The following PHLPP1 variants were observed in gnomAD, a reference collection of about 807,000 sequenced individuals.
PHLPP1 encodes the protein PH domain leucine-rich repeat-containing protein phosphatase 1.
A neutral mutation model predicts 117.2 loss-of-function variants in PHLPP1; 42 were observed. The ratio of observed to expected loss-of-function variants is 0.36; its 90% CI spans 0.28 to 0.46. The LOEUF (loss-of-function observed/expected upper bound fraction) is 0.46, where lower values mean the gene tolerates loss of function less well. PHLPP1 is among the 20% of genes least tolerant of loss of function. The pLI is 1.00. For synonymous variants in PHLPP1, 1,042 were observed against 970.7 expected (o/e 1.07, Z -1.37); for missense variants, 2,084 against 2,241.9 (o/e 0.93, Z 1.42).
chr18:62,867,664 G>T (rs777171419), intron 4 of PHLPP1, among the ~76,000 whole-genome samples: 3 of 152,094 alleles, frequency 2.0e-5, no homozygotes, highest in Non-Finnish European at 4.4e-5. Flanking sequence ...TGTTCTTCTG[G>T]CCTGCTACAC....
chr18:62,879,771 A>C (rs1916132949), intron 4 of PHLPP1, among the ~76,000 whole-genome samples: 1 of 152,202 alleles, frequency 6.6e-6, no homozygotes, highest in African/African-American at 2.4e-5. Context: ...CCTGTTTTTC[A>C]TCCCAGACCT....
intron 4 of PHLPP1, among the ~76,000 whole-genome samples, chr18:62,888,287 A>ATATGTGTGTGTG (rs1916328960): frequency 7.6e-6 from 1 of 130,864 alleles, no homozygotes; most frequent in Non-Finnish European, 1.6e-5. Flanking sequence ...ATTTCACAAA[A>ATATGTGTGTGTG]TGTGTGTGTG....
chr18:62,980,403 T>C lies in PHLPP1; in HGVS notation c.*972T>C, dbSNP rs1911340568. ...ATGCACAAATGGACATGTCATAATT[T>C]TTGTTACAATAAATATGAAATTTAC... On this transcript the variant is annotated 3_prime_UTR_variant, in exon 17 of 17. Coordinates refer to ENST00000262719, the MANE Select transcript of PHLPP1 (RefSeq NM_194449.4). The C allele has an allele frequency of 6.6e-6, 1 of 152,670 alleles. No homozygotes were observed. Among genetic ancestry groups the C allele is most frequent in the African/African-American group, 2.4e-5 (1 of 41,460 alleles). 9.5% of individuals were successfully genotyped at this position (152,670 alleles called of 1,614,324 possible). A position where few individuals can be genotyped will look rare whatever the true frequency, so the allele number is the denominator to read the frequency against.
At chr18:62,895,182 G>T (rs1916523986) in intron 5 of PHLPP1, 25 bp downstream of exon 5, 1 of 1,605,442 alleles carries the variant, frequency 6.2e-7, no homozygotes, top group South Asian at 1.1e-5. Context: ...CCCCACTGGC[G>T]GGTATATCCA....
At chr18:62,728,777 G>A (rs190634104) in intron 1 of PHLPP1, among the ~76,000 whole-genome samples, 1,915 of 152,236 alleles carry the variant, frequency 0.013, 20 homozygotes, top group Non-Finnish European at 0.017. Context: ...AAAGTGCTGG[G>A]ATTACAGGCA....
intron 1 of PHLPP1, among the ~76,000 whole-genome samples, chr18:62,768,989 T>A: frequency 6.6e-6 from 1 of 152,194 alleles, no homozygotes; most frequent in Non-Finnish European, 1.5e-5. Flanking sequence ...TCCTCATTGA[T>A]CATCAAGGTT....
Position 62,840,313 on chromosome 18 carries a change from ATT to A in PHLPP1, c.1899+1405_1899+1406del, listed in dbSNP as rs1568134241. Among the ~76,000 whole-genome samples the A allele has an allele frequency of 3.9e-5, 6 of 152,290 alleles. No individual in the cohort carries two copies. In the South Asian group the frequency reaches 1.2e-3, roughly 32 times the overall value. ...AGTTTCGGTTGATAGGGCTTAGAAA[ATT>A]CTCTCAACCTAATAGACAAATGGAG... is the stretch of plus-strand genomic sequence containing the variant. On this transcript the variant is annotated intron_variant, in intron 3 of 16. Transcript: ENST00000262719.
chr18:62,931,276 C>T (rs956375480), intron 10 of PHLPP1, among the ~76,000 whole-genome samples: 3 of 151,154 alleles, frequency 2.0e-5, no homozygotes, highest in African/African-American at 7.3e-5. Flanking sequence ...GGAATAAACA[C>T]AAAATTGAGG....
At chr18:62,825,820 G>T (rs1005717619) in intron 1 of PHLPP1, among the ~76,000 whole-genome samples, 27 of 151,858 alleles carry the variant, frequency 1.8e-4, no homozygotes, top group African/African-American at 6.0e-4. Flanking sequence ...TTTTTTATTG[G>T]AAAAAATGTC....
intron 12 of PHLPP1, among the ~76,000 whole-genome samples, chr18:62,945,610 G>T (rs187637408): frequency 9.9e-5 from 15 of 152,272 alleles, no homozygotes; most frequent in Admixed American, 2.0e-4. Flanking sequence ...AGGCTCAAAG[G>T]CTGACGCTGG....
chr18:62,748,628 CT>C (rs1911750315), intron 1 of PHLPP1, among the ~76,000 whole-genome samples: 1 of 152,160 alleles, frequency 6.6e-6, no homozygotes, highest in Non-Finnish European at 1.5e-5. Flanking sequence ...ATAGTGACTT[CT>C]GCTTTAGTGG....
chr18:62,970,726 C>A (rs1387602353), intron 14 of PHLPP1, among the ~76,000 whole-genome samples: 1 of 152,106 alleles, frequency 6.6e-6, no homozygotes, highest in East Asian at 1.9e-4. Flanking sequence ...GATCACACCA[C>A]TGCACTCCAG....
In PHLPP1 at chr18:62,850,394, CG is replaced by C. The variant is rs11462361; in HGVS notation, c.1900-10034del. On this transcript the variant is annotated intron_variant, in intron 3 of 16. Coordinates refer to ENST00000262719, the MANE Select transcript of PHLPP1 (RefSeq NM_194449.4). ...GGAGCAAGACTCCATCTCGGGGGGG[CG>C]GGGGGGAAAACAAGTAGTTCATTTC... Among the ~76,000 whole-genome samples the C allele has an allele frequency of 5.0e-3, 188 of 37,288 alleles. 1 individual carries two copies. Among genetic ancestry groups the C allele is most frequent in the Admixed American group, 0.012 (34 of 2,792 alleles). The allele number at this position is 37,288 out of a possible 152,430, so 24.5% of individuals were successfully genotyped here. A position where few individuals can be genotyped will look rare whatever the true frequency, so the allele number is the denominator to read the frequency against.
intron 2 of PHLPP1, among the ~76,000 whole-genome samples, chr18:62,832,812 T>C (rs1313376190): frequency 6.6e-6 from 1 of 152,104 alleles, no homozygotes; most frequent in Non-Finnish European, 1.5e-5. Flanking sequence ...AGGAGTTTTA[T>C]TTTTTCTTTT....
In PHLPP1 at chr18:62,927,109, A is replaced by G. The variant is rs138580301; in HGVS notation, c.2960+6995A>G. The stretch of plus-strand genomic sequence containing the variant: ...TTGGCAATTGGATTGGTAAAGAGGA[A>G]GCGAAGCAAATGGGGAAAACTAAAG... On this transcript the variant is annotated intron_variant, in intron 10 of 16. Transcript: ENST00000262719. 2.5e-3 allele frequency among the ~76,000 whole-genome samples: 375 copies of G among 152,324 alleles called. 2 individuals carry two copies. Among genetic ancestry groups the G allele is most frequent in the Middle Eastern group, 0.014 (4 of 294 alleles).
intron 2 of PHLPP1, among the ~76,000 whole-genome samples, chr18:62,832,842 C>A (rs1157664460): frequency 1.3e-5 from 2 of 151,590 alleles, no homozygotes; most frequent in Non-Finnish European, 2.9e-5. Context: ...TATAGAAGAG[C>A]TATAGATTTA....
intron 1 of PHLPP1, among the ~76,000 whole-genome samples, chr18:62,743,423 A>T (rs931060641): frequency 6.6e-6 from 1 of 152,060 alleles, no homozygotes; most frequent in Non-Finnish European, 1.5e-5. Flanking sequence ...GGCCAGTCTT[A>T]CTTTATCTCG....
intron 1 of PHLPP1, among the ~76,000 whole-genome samples, chr18:62,739,407 T>C (rs2122071427): frequency 6.6e-6 from 1 of 152,308 alleles, no homozygotes; most frequent in African/African-American, 2.4e-5. Context: ...GGAAGGGACA[T>C]GAGGAGCCGT....
At chr18:62,975,346 C>A (rs2144492921) in intron 15 of PHLPP1, 51 bp from the exon 16 acceptor site, 2 of 1,286,226 alleles carry the variant, frequency 1.6e-6, no homozygotes, top group South Asian at 2.4e-5. Flanking sequence ...ATTTGCAGAA[C>A]TGGCACTGAT....
Sources: gnomAD v4.1 joint callset for allele counts (sites outside exome capture counted in the v4.1 genomes callset) on GRCh38, gnomAD v4.1.1 for gene constraint, MANE v1.5 for transcripts, NCBI Gene and HGNC (gene_info 2026-07-23, HGNC 2026-07-21) for gene names.